FRAS1: variants seen among roughly 807,000 people sequenced by gnomAD.
FRAS1 encodes Fraser extracellular matrix complex subunit 1.
Under a neutral mutation model 435.2 loss-of-function variants are expected in FRAS1, and 290 were observed. The observed-to-expected ratio is 0.67, with a 90% confidence interval of 0.61 to 0.73. FRAS1 has a LOEUF of 0.73. Among genes scored for constraint, FRAS1 ranks in the 30% least tolerant of loss-of-function variants. The pLI, the probability that FRAS1 is intolerant of heterozygous loss-of-function variation, is 0.00. For synonymous variants in FRAS1, 1,800 were observed against 1,851.0 expected, an observed-to-expected ratio of 0.97 and a Z score of 0.71; for missense variants, 4,860 against 5,001.5, an observed-to-expected ratio of 0.97 and a Z score of 0.85.
intron 20 of FRAS1, among the ~76,000 whole-genome samples, chr4:78,359,514 G>T (rs1462395592): frequency 6.6e-6 from 1 of 152,094 alleles, no homozygotes. Flanking sequence ...AACCTTGAGA[G>T]CCTAATGATA....
At chr4:78,431,995 G>A (rs1212214758) in intron 37 of FRAS1, among the ~76,000 whole-genome samples, 12 of 152,056 alleles carry the variant, frequency 7.9e-5, no homozygotes, top group Admixed American at 6.5e-4. Context: ...CAAAAGAGCT[G>A]TCATAAAGAA....
At chr4:78,071,930 A>C (rs1482446738) in intron 2 of FRAS1, 1 of 152,128 alleles carries the variant, frequency 6.6e-6, no homozygotes, top group African/African-American at 2.4e-5. Context: ...TATAGTACCT[A>C]AGTTTGCTGT....
chr4:78,096,874 C>T (rs771867768), intron 2 of FRAS1, among the ~76,000 whole-genome samples: 12 of 152,232 alleles, frequency 7.9e-5, no homozygotes, highest in Non-Finnish European at 1.5e-4. Context: ...GATTAACATT[C>T]GGCCCCATGT....
intron 29 of FRAS1, among the ~76,000 whole-genome samples, chr4:78,394,424 T>C (rs1314770378): frequency 6.6e-6 from 1 of 152,046 alleles, no homozygotes; most frequent in Non-Finnish European, 1.5e-5. Context: ...ATGGGATATC[T>C]AATTATCCCA....
chr4:78,208,103 C>G (rs543930130), intron 2 of FRAS1, among the ~76,000 whole-genome samples: 1 of 152,162 alleles, frequency 6.6e-6, no homozygotes, highest in Non-Finnish European at 1.5e-5. Context: ...GACCTACAGA[C>G]GGTTCATATC....
intron 14 of FRAS1, among the ~76,000 whole-genome samples, chr4:78,307,535 A>G (rs546686540): frequency 2.0e-3 from 309 of 152,344 alleles, no homozygotes; most frequent in Middle Eastern, 6.8e-3. Context: ...TCTCCGAGCC[A>G]GGTGCCGGAT....
Position 78,541,177 on chromosome 4 carries a change from GA to G in FRAS1, c.*56del. Reference sequence around the variant, plus strand: ...TAAAATCATTTTTATAAAATGGGGGGAAATACTGGTATTTTTATAATCTCGC... The same window carrying G: ...TAAAATCATTTTTATAAAATGGGGGGAATACTGGTATTTTTATAATCTCGC... On this transcript the variant is annotated 3_prime_UTR_variant, in exon 74 of 74. Transcript: ENST00000512123. The G allele has an allele frequency of 1.9e-6, 2 of 1,030,546 alleles. No individual in the cohort carries two copies. Among genetic ancestry groups the G allele is most frequent in the Non-Finnish European group, 2.6e-6 (2 of 770,644 alleles). 63.8% of individuals were successfully genotyped at this position (1,030,546 alleles called of 1,614,324 possible).
intron 2 of FRAS1, among the ~76,000 whole-genome samples, chr4:78,184,472 A>G (rs978823087): frequency 6.6e-6 from 1 of 152,244 alleles, no homozygotes; most frequent in Non-Finnish European, 1.5e-5. Flanking sequence ...TGTGGGCAAG[A>G]CAAGTATAGG....
intron 1 of FRAS1, among the ~76,000 whole-genome samples, chr4:78,065,081 T>TATATATATATATATACACACAC (rs762909923): frequency 0.02 from 2,459 of 125,234 alleles, 33 homozygotes; most frequent in Admixed American, 0.032. Context: ...TATATATATA[T>TATATATATATATATACACACAC]ATACATACAC....
intron 22 of FRAS1, among the ~76,000 whole-genome samples, chr4:78,368,334 C>CT (rs796677701): frequency 0.018 from 2,478 of 137,652 alleles, 94 homozygotes; most frequent in African/African-American, 0.066. Flanking sequence ...CAATAGCATT[C>CT]TTTTTTTTTT....
chr4:78,071,337 A>G (rs1035980365), intron 2 of FRAS1: 7 of 152,178 alleles, frequency 4.6e-5, no homozygotes, highest in African/African-American at 9.7e-5. Flanking sequence ...AACTGAGAAC[A>G]TACTTGTGAA....
intron 64 of FRAS1, among the ~76,000 whole-genome samples, chr4:78,512,418 G>A (rs1037700633): frequency 1.3e-5 from 2 of 152,100 alleles, no homozygotes; most frequent in Admixed American, 6.6e-5. Context: ...CCAGGGTTCT[G>A]ATTCTACTTA....
chr4:78,367,522 C>T (rs1487618185), intron 22 of FRAS1, among the ~76,000 whole-genome samples: 1 of 152,066 alleles, frequency 6.6e-6, no homozygotes, highest in Non-Finnish European at 1.5e-5. Context: ...GGGGAACTGG[C>T]ATTCGGGGAC....
intron 14 of FRAS1, among the ~76,000 whole-genome samples, chr4:78,287,473 A>G (rs1727667065): frequency 6.6e-6 from 1 of 152,144 alleles, no homozygotes; most frequent in South Asian, 2.1e-4. Context: ...GAAATCTGAA[A>G]AGGCAGATAG....
Position 78,445,703 on chromosome 4 carries a change from C to T in FRAS1, c.5847C>T (p.Ile1949=). ...GTTCAGAAATTCACAGCATCAATAT[C>T]ACCATTGAGGTAAAGACTTTGGAAG... ...TSRSEIHSIN[I]TIERKNDEPP... Residue 1949 remains isoleucine, a synonymous_variant, in exon 42 of 74, where the codon ATC becomes ATT. Coordinates refer to ENST00000512123, the MANE Select transcript of FRAS1 (RefSeq NM_025074.7). 1 of 1,613,870 alleles carries T rather than the reference C, an allele frequency of 6.2e-7. No homozygotes were observed. The highest frequency in any genetic ancestry group is 2.2e-5 in the East Asian group (1 of 44,880).
At chr4:78,195,213 G>T (rs1048694622) in intron 2 of FRAS1, among the ~76,000 whole-genome samples, 7 of 152,218 alleles carry the variant, frequency 4.6e-5, no homozygotes, top group Admixed American at 3.3e-4. Flanking sequence ...AGGCTACTCG[G>T]GGGTCAGGGA....
chr4:78,177,615 C>T (rs1721830843), intron 2 of FRAS1, among the ~76,000 whole-genome samples: 1 of 152,162 alleles, frequency 6.6e-6, no homozygotes, highest in Non-Finnish European at 1.5e-5. Flanking sequence ...TCACTGCTGG[C>T]AGGGGTGGCC....
intron 71 of FRAS1, among the ~76,000 whole-genome samples, chr4:78,535,530 C>T (rs1001115176): frequency 6.6e-6 from 1 of 152,154 alleles, no homozygotes; most frequent in Non-Finnish European, 1.5e-5. Context: ...CGTCACCATC[C>T]TCTATGTGCC....
rs757591237 is a variant in FRAS1 at position 78,537,121 on chromosome 4, C to T, written c.11219C>T (p.Thr3740Met). 24 of 1,613,852 alleles carry T rather than the reference C, an allele frequency of 1.5e-5. No individual in the cohort carries two copies. Among genetic ancestry groups the T allele is most frequent in the Admixed American group, 6.7e-5 (4 of 60,010 alleles). Residue 3740 changes from threonine (T) to methionine (M), a missense_variant, in exon 72 of 74, where the codon ACG (threonine) becomes ATG (methionine). By Grantham distance (81) the Thr-to-Met change is moderately conservative (BLOSUM62 -1). Transcript: ENST00000512123. ...KDGYVPFFDP[T>M]GTIYNEGPQY... ...GGTTATGTGCCTTTCTTTGATCCCA[C>T]GGGGACAATCTACAATGAAGGGCCC...
Sources: allele counts gnomAD v4.1 joint callset (sites outside exome capture counted in the v4.1 genomes callset), GRCh38; gene constraint gnomAD v4.1.1; transcripts MANE v1.5; gene names NCBI Gene and HGNC (gene_info 2026-07-23, HGNC 2026-07-21).